Variants in PITPNM3 observed in about 807,000 individuals in gnomAD.
The protein encoded by PITPNM3 is PITPNM family member 3, also known as membrane-associated phosphatidylinositol transfer protein 3.
Under a neutral mutation model 102.0 loss-of-function variants are expected in PITPNM3, and 26 were observed. That is an observed-to-expected ratio of 0.25 (90% CI 0.19 to 0.35). The LOEUF is 0.35. PITPNM3 is among the 10% of genes least tolerant of loss of function. PITPNM3 has a pLI of 1.00. For missense variants in PITPNM3, 1,083 were observed against 1,346.1 expected (o/e 0.80, Z 3.06); for synonymous variants, 578 against 558.6 (o/e 1.03, Z -0.49).
rs1237238620 is a variant in PITPNM3, at chr17:6,454,381, C to T, written c.*957G>A. On this transcript the variant is annotated 3_prime_UTR_variant, in exon 20 of 20. Coordinates refer to ENST00000262483, the MANE Select transcript of PITPNM3 (RefSeq NM_031220.4). The stretch of plus-strand genomic sequence containing the variant: ...CCCTCCTTTCCAGCCCACCCAGACC[C>T]CCTCTCCCAGGCTGTGTGAAAGGTG... 1 of 152,322 alleles carries T rather than the reference C, an allele frequency of 6.6e-6. No homozygotes were observed. The highest frequency in any genetic ancestry group is 1.5e-5 in the Non-Finnish European group (1 of 68,112). The allele number at this position is 152,322 out of a possible 1,614,324, so 9.4% of individuals were successfully genotyped here.
In PITPNM3 at chr17:6,468,330, A is replaced by G. The variant is rs754736590; in HGVS notation, c.1785T>C (p.Tyr595=). Residue 595 remains tyrosine, a synonymous_variant, in exon 14 of 20, where the codon TAT becomes TAC. Coordinates refer to ENST00000262483, the MANE Select transcript of PITPNM3 (RefSeq NM_031220.4). The surrounding 1 kb of genome is among the most constrained non-coding windows in gnomAD (Gnocchi z 5.2). ...VAFILRQVMR[Y]ESVNIKESAR... is the part of the protein sequence containing the mutation. Reference sequence around the variant, plus strand: ...CGCTTTCCTTGATGTTCACGCTCTCATAGCGCATTACCTAGCCAAGAGCCG... The same window carrying G: ...CGCTTTCCTTGATGTTCACGCTCTCGTAGCGCATTACCTAGCCAAGAGCCG... The G allele has an allele frequency of 1.2e-6, 2 of 1,614,088 alleles. No homozygotes were observed. The highest frequency in any genetic ancestry group is 1.7e-6 in the Non-Finnish European group (2 of 1,179,970).
intron 19 of PITPNM3, 25 bp from the exon 20 acceptor site, chr17:6,455,668 G>GCA (rs780407365): frequency 0.033 from 46,261 of 1,419,882 alleles, 2,114 homozygotes; most frequent in African/African-American, 0.23. Flanking sequence ...GGAGGGCAGG[G>GCA]GAGGGCAGGG....
chr17:6,455,066 A>G lies in PITPNM3; in HGVS notation c.*272T>C, dbSNP rs368242380. On this transcript the variant is annotated 3_prime_UTR_variant, in exon 20 of 20. Transcript: ENST00000262483. The stretch of plus-strand genomic sequence containing the variant: ...CCCGGGCAAGCCTGCCCCCAGGATG[A>G]CACAAACATGAACCCTGACTTGGGC... 3 of 496,778 alleles carry G rather than the reference A, an allele frequency of 6.0e-6. No homozygotes were observed. The allele number at this position is 496,778 out of a possible 1,614,324, so 30.8% of individuals were successfully genotyped here.
At chr17:6,544,678 A>ACAC (rs1320316941) in intron 1 of PITPNM3, among the ~76,000 whole-genome samples, 1 of 147,834 alleles carries the variant, frequency 6.8e-6, no homozygotes, top group African/African-American at 2.5e-5. Context: ...ACACACACAC[A>ACAC]AATACACACA....
At chr17:6,534,859 A>G (rs995370428) in intron 2 of PITPNM3, among the ~76,000 whole-genome samples, 1 of 152,186 alleles carries the variant, frequency 6.6e-6, no homozygotes, top group Non-Finnish European at 1.5e-5. Context: ...TCTCAGGGAC[A>G]GAAGGCTGCC....
chr17:6,465,473 C>T (rs1421012458), intron 14 of PITPNM3, among the ~76,000 whole-genome samples: 3 of 152,226 alleles, frequency 2.0e-5, no homozygotes, highest in Admixed American at 6.5e-5. Flanking sequence ...TCACAGCTCA[C>T]ATCCAACAGT....
At chr17:6,508,370 G>A (rs1030917647) in intron 3 of PITPNM3, among the ~76,000 whole-genome samples, 2 of 152,342 alleles carry the variant, frequency 1.3e-5, no homozygotes, top group South Asian at 2.1e-4. Flanking sequence ...CAATAAGGCT[G>A]CTGAGCCTCA....
chr17:6,465,887 A>G (rs117762957), intron 14 of PITPNM3, among the ~76,000 whole-genome samples: 38 of 152,266 alleles, frequency 2.5e-4, no homozygotes, highest in East Asian at 9.6e-4. Flanking sequence ...GCACAGCCAC[A>G]TCGCCTGGAT....
intron 3 of PITPNM3, among the ~76,000 whole-genome samples, chr17:6,520,015 A>G (rs1908418472): frequency 2.0e-5 from 3 of 152,196 alleles, no homozygotes; most frequent in South Asian, 2.1e-4. Flanking sequence ...CTAAAATCCA[A>G]TAAAAAGGAT....
At chr17:6,479,079 G>A (rs1199437230) in intron 6 of PITPNM3, 1 of 307,556 alleles carries the variant, frequency 3.3e-6, no homozygotes, top group Non-Finnish European at 6.2e-6. Context: ...CCCAGCTAGT[G>A]TGGAACATGT....
At chr17:6,461,278 A>G in intron 18 of PITPNM3, 95 bp downstream of exon 18, 1 of 1,448,432 alleles carries the variant, frequency 6.9e-7, no homozygotes, top group Non-Finnish European at 9.6e-7. Context: ...ACTGCACATC[A>G]CAAGGCCCCA....
chr17:6,512,492 C>T (rs748883971), intron 3 of PITPNM3, among the ~76,000 whole-genome samples: 10 of 152,144 alleles, frequency 6.6e-5, no homozygotes, highest in South Asian at 2.1e-4. Flanking sequence ...TTTAGTGCAT[C>T]GGAATCACAG....
At position 6,471,231 on chromosome 17, in the gene PITPNM3, C is replaced by T. The variant is rs1243615415; in HGVS notation, c.1554G>A (p.Met518Ile). The part of the protein sequence containing the change: ...ASRFQRPGRR[M>I]SEGSSHSESS... ...TCTCGCTGTGGGAGCTCCCCTCGCT[C>T]ATCCTCCGTCCTGGGCGCTGGAACC... Residue 518 changes from methionine (M) to isoleucine (I), a missense_variant, in exon 12 of 20, where the codon ATG becomes ATA. This residue lies in a region of PITPNM3 where 410 missense variants were observed against 638.4 expected (regional missense o/e 0.64). Coordinates refer to ENST00000262483, the MANE Select transcript of PITPNM3 (RefSeq NM_031220.4). 7 of 1,613,264 alleles carry T rather than the reference C, an allele frequency of 4.3e-6. No homozygotes were observed. In the Admixed American group the frequency reaches 8.3e-5, roughly 19 times the overall value.
At chr17:6,553,565 A>C (rs1910432742) in intron 1 of PITPNM3, among the ~76,000 whole-genome samples, 1 of 152,164 alleles carries the variant, frequency 6.6e-6, no homozygotes, top group Non-Finnish European at 1.5e-5. Context: ...GATGACCTAA[A>C]GTCAGGTACC....
intron 1 of PITPNM3, 136 bp from the exon 2 acceptor site, chr17:6,538,218 C>G (rs1909550976): frequency 1.4e-6 from 1 of 701,352 alleles, no homozygotes; most frequent in Admixed American, 2.0e-5. Flanking sequence ...GGCCTCAGAC[C>G]TCACAGAGCC....
intron 3 of PITPNM3, among the ~76,000 whole-genome samples, chr17:6,516,536 C>T (rs940294134): frequency 4.5e-5 from 6 of 133,380 alleles, no homozygotes; most frequent in Admixed American, 9.2e-5. Context: ...TGCACTCCAG[C>T]GTGGGCGACA....
At chr17:6,518,080 C>T (rs1426924022) in intron 3 of PITPNM3, among the ~76,000 whole-genome samples, 1 of 151,884 alleles carries the variant, frequency 6.6e-6, no homozygotes, top group Non-Finnish European at 1.5e-5. Context: ...ATTCACACAC[C>T]CACACTAGAC....
chr17:6,555,132 T>A (rs1424802697), intron 1 of PITPNM3, among the ~76,000 whole-genome samples: 1 of 152,110 alleles, frequency 6.6e-6, no homozygotes, highest in Non-Finnish European at 1.5e-5. Context: ...TCACAGTGCC[T>A]CCCTCAGGAG....
intron 3 of PITPNM3, among the ~76,000 whole-genome samples, chr17:6,507,127 A>T (rs1907573221): frequency 6.7e-6 from 1 of 149,502 alleles, no homozygotes; most frequent in Admixed American, 6.6e-5. Context: ...GGGCAGGGGA[A>T]GGAGAAGAAA....
Sources: gnomAD v4.1 joint callset for allele counts (sites outside exome capture counted in the v4.1 genomes callset) on GRCh38, gnomAD v4.1.1 for gene constraint, gnomAD v4.1.1 regional missense constraint, Gnocchi (gnomAD v3.1) non-coding constraint, MANE v1.5 for transcripts, NCBI Gene and HGNC (gene_info 2026-07-23, HGNC 2026-07-21) for gene names.